NCOA1: variants seen among roughly 807,000 people sequenced by gnomAD.
NCOA1 encodes nuclear receptor coactivator 1.
In NCOA1, 35 loss-of-function variants were observed where a neutral mutation model predicts 150.9. That is an observed-to-expected ratio of 0.23 (90% CI 0.18 to 0.31). The LOEUF (loss-of-function observed/expected upper bound fraction) is 0.31. Among genes scored for constraint, NCOA1 ranks in the 10% least tolerant of loss-of-function variants. The pLI is 1.00. For synonymous variants in NCOA1, 590 were observed against 630.0 expected (o/e 0.94, Z 0.95); for missense variants, 1,491 against 1,749.3 (o/e 0.85, Z 2.63).
chr2:24,621,243 G>T (rs1669139164), intron 3 of NCOA1, among the ~76,000 whole-genome samples: 1 of 152,004 alleles, frequency 6.6e-6, no homozygotes, highest in Non-Finnish European at 1.5e-5. Context: ...GAAAATTACA[G>T]TAACGGCACT....
At position 24,762,768 on chromosome 2, in the gene NCOA1, G is replaced by A; in HGVS notation, c.4147G>A (p.Gly1383Arg). The change falls in exon 22 of 23, where the codon GGA (glycine) becomes AGA (arginine). Residue 1383 changes from glycine to arginine, a missense_variant. Gly to Arg is a moderately radical substitution (Grantham distance 125). Transcript: ENST00000348332. ...TGACCTTCTCAAAACAGAAGCAGAT[G>A]GAACCCAGGTCAGTAAGGAAATTCT... ...STDLLKTEADGTQQVQQVQVF... is the reference protein window; with the variant it reads ...STDLLKTEADRTQQVQQVQVF... 6.2e-7 allele frequency: 1 copy of A among 1,613,602 alleles called. No individual in the cohort carries two copies.
At position 24,517,004 on chromosome 2, in the gene NCOA1, G is replaced by GCGCA. The variant is rs1553422229; in HGVS notation, c.-396+25403_-396+25404insGCAC. Among the ~76,000 whole-genome samples, 230 of 83,920 alleles carry GCGCA rather than the reference G, an allele frequency of 2.7e-3. 1 individual carries two copies. In the East Asian group the frequency reaches 0.033, roughly 12 times the overall value. 55.1% of individuals were successfully genotyped at this position (83,920 alleles called of 152,430 possible). A position where few individuals can be genotyped will look rare whatever the true frequency, so the allele number is the denominator to read the frequency against. On this transcript the variant is annotated intron_variant, in intron 1 of 22. Coordinates refer to ENST00000348332, the MANE Select transcript of NCOA1 (RefSeq NM_003743.5). ...TATACGTATATATATACACACGCGC[G>GCGCA]CACACACACACACACACACACACAC...
intron 3 of NCOA1, among the ~76,000 whole-genome samples, chr2:24,613,808 C>G (rs1369392160): frequency 6.6e-6 from 1 of 152,062 alleles, no homozygotes; most frequent in Non-Finnish European, 1.5e-5. Context: ...CCTGCTGATC[C>G]CGGTGAATGG....
chr2:24,640,470 T>C (rs1246332381), intron 3 of NCOA1, among the ~76,000 whole-genome samples: 1 of 152,200 alleles, frequency 6.6e-6, no homozygotes, highest in Non-Finnish European at 1.5e-5. Context: ...TTTTAAGTTC[T>C]GTTTATGCTT....
At position 24,707,358 on chromosome 2, in the gene NCOA1, A is replaced by G. The variant is rs1287387392; in HGVS notation, c.1888A>G (p.Ser630Gly). The G allele has an allele frequency of 6.2e-7, 1 of 1,614,232 alleles. No homozygotes were observed. Among genetic ancestry groups the G allele is most frequent in the South Asian group, 1.1e-5 (1 of 91,088 alleles). ...SDGDSKYSQT[S>G]HKLVQLLTTT... ...TGGAGACAGTAAATACTCTCAAACC[A>G]GTCACAAACTAGTGCAGCTTTTGAC... The change falls in exon 13 of 23, where the codon AGT becomes GGT. Residue 630 changes from serine (S) to glycine (G), a missense_variant. Physicochemically the swap from Ser to Gly is moderately conservative, Grantham distance 56. This residue lies in a region of NCOA1 where 703 missense variants were observed against 717.7 expected (regional missense o/e 0.98). Transcript: ENST00000348332.
chr2:24,627,583 ATATT>A (rs56197917), intron 3 of NCOA1, among the ~76,000 whole-genome samples: 22,437 of 152,170 alleles, frequency 0.15, 1,996 homozygotes, highest in Non-Finnish European at 0.2. Context: ...AAGAGATTTA[ATATT>A]TACTTTTTCT....
intron 3 of NCOA1, among the ~76,000 whole-genome samples, chr2:24,601,023 G>T (rs1454967270): frequency 6.6e-6 from 1 of 151,780 alleles, no homozygotes; most frequent in African/African-American, 2.4e-5. Flanking sequence ...GTAAAGATTT[G>T]TCACATAAAA....
At chr2:24,614,586 C>G (rs1327549475) in intron 3 of NCOA1, among the ~76,000 whole-genome samples, 1 of 151,882 alleles carries the variant, frequency 6.6e-6, no homozygotes, top group Non-Finnish European at 1.5e-5. Context: ...ATCTCTAGCC[C>G]AGCATATTCT....
intron 1 of NCOA1, among the ~76,000 whole-genome samples, 64 bp downstream of exon 1, chr2:24,491,666 G>A (rs1446123967): frequency 6.6e-6 from 1 of 151,042 alleles, no homozygotes; most frequent in Non-Finnish European, 1.5e-5. Context: ...CCGCGCGGCC[G>A]CGGAGGCCCT....
intron 1 of NCOA1, among the ~76,000 whole-genome samples, chr2:24,552,974 G>C (rs1271159058): frequency 6.6e-6 from 1 of 152,078 alleles, no homozygotes; most frequent in Non-Finnish European, 1.5e-5. Context: ...TCCATCTTCT[G>C]GCTTTTATTC....
At chr2:24,611,269 T>C (rs1329406484) in intron 3 of NCOA1, among the ~76,000 whole-genome samples, 2 of 152,198 alleles carry the variant, frequency 1.3e-5, no homozygotes, top group Admixed American at 1.3e-4. Flanking sequence ...TTGTCGCAAG[T>C]GGCATGATTT....
chr2:24,601,612 C>CTTTTTTTT (rs112063269), intron 3 of NCOA1, among the ~76,000 whole-genome samples: 2 of 131,986 alleles, frequency 1.5e-5, no homozygotes, highest in African/African-American at 2.7e-5. Context: ...CTCCTTCCTC[C>CTTTTTTTT]TTTTTTTTTT....
At chr2:24,567,728 T>G (rs1489825593) in intron 2 of NCOA1, among the ~76,000 whole-genome samples, 2 of 152,218 alleles carry the variant, frequency 1.3e-5, no homozygotes, top group Non-Finnish European at 2.9e-5. Flanking sequence ...GTTGCTTAAA[T>G]TTTTAAATTA....
chr2:24,664,228 A>G (rs549657880), intron 5 of NCOA1, among the ~76,000 whole-genome samples: 21 of 152,324 alleles, frequency 1.4e-4, no homozygotes, highest in African/African-American at 4.6e-4. Flanking sequence ...TAATAACTAC[A>G]ATTGGGAAAA....
At chr2:24,702,284 C>A (rs1188800413) in intron 11 of NCOA1, among the ~76,000 whole-genome samples, 1 of 152,110 alleles carries the variant, frequency 6.6e-6, no homozygotes, top group South Asian at 2.1e-4. Context: ...AATTTTAGAA[C>A]ATCTAGGGGT....
chr2:24,664,594 G>A (rs1410195567), intron 5 of NCOA1, among the ~76,000 whole-genome samples: 1 of 152,048 alleles, frequency 6.6e-6, no homozygotes, highest in Non-Finnish European at 1.5e-5. Flanking sequence ...TGTAGTCCCA[G>A]CTACTTGGGA....
chr2:24,633,324 G>A (rs1052246482), intron 3 of NCOA1, among the ~76,000 whole-genome samples: 5 of 151,970 alleles, frequency 3.3e-5, no homozygotes, highest in African/African-American at 1.2e-4. Context: ...TGGACATTAA[G>A]TTGAGGAAAA....
At chr2:24,725,692 C>T (rs901648462) in intron 14 of NCOA1, among the ~76,000 whole-genome samples, 1 of 146,924 alleles carries the variant, frequency 6.8e-6, no homozygotes, top group Non-Finnish European at 1.5e-5. Context: ...AATCTCACTA[C>T]CTAAAGTGGA....
intron 1 of NCOA1, among the ~76,000 whole-genome samples, chr2:24,506,260 G>A (rs1300954634): frequency 1.3e-5 from 2 of 151,938 alleles, no homozygotes; most frequent in South Asian, 2.1e-4. Context: ...TGTTTCCTTT[G>A]ACCAGCTGGT....
Sources: gnomAD v4.1 joint callset for allele counts (sites outside exome capture counted in the v4.1 genomes callset) on GRCh38, gnomAD v4.1.1 for gene constraint, gnomAD v4.1.1 regional missense constraint, MANE v1.5 for transcripts, NCBI Gene and HGNC (gene_info 2026-07-23, HGNC 2026-07-21) for gene names.